The following CSMD1 variants were observed in gnomAD, a reference collection of about 807,000 sequenced individuals.
The protein encoded by CSMD1 is CUB and Sushi multiple domains 1.
Under a neutral mutation model 417.5 loss-of-function variants are expected in CSMD1, and 213 were observed. The ratio of observed to expected loss-of-function variants is 0.51; its 90% confidence interval spans 0.46 to 0.57. The LOEUF is 0.57. CSMD1 is among the 20% of genes least tolerant of loss of function. The pLI is 0.00. For synonymous variants in CSMD1, 2,862 were observed against 1,736.8 expected (o/e 1.65, Z -16.11); for missense variants, 6,923 against 4,529.7 (o/e 1.53, Z -15.17).
intron 2 of CSMD1, among the ~76,000 whole-genome samples, chr8:4,619,000 A>G (rs1801628769): frequency 6.6e-6 from 1 of 152,202 alleles, no homozygotes; most frequent in Non-Finnish European, 1.5e-5. Context: ...AGGAGATTAA[A>G]ATACTGCAAT....
intron 25 of CSMD1, among the ~76,000 whole-genome samples, chr8:3,286,713 C>G (rs917315836): frequency 6.6e-6 from 1 of 151,878 alleles, no homozygotes; most frequent in East Asian, 1.9e-4. Flanking sequence ...ATTGTAGATT[C>G]TGGTTATTAG....
intron 46 of CSMD1, among the ~76,000 whole-genome samples, chr8:3,098,170 T>C (rs1332073847): frequency 1.3e-5 from 2 of 152,220 alleles, no homozygotes; most frequent in Non-Finnish European, 2.9e-5. Context: ...ATAAAAAATG[T>C]ATATCAAAAT....
rs78044360 is a variant in CSMD1 at position 3,543,528 on chromosome 8, C to T, written c.1344+31417G>A. Among the ~76,000 whole-genome samples, 748 of 151,954 alleles carry T rather than the reference C, an allele frequency of 4.9e-3. 6 individuals carry two copies. Among genetic ancestry groups the T allele is most frequent in the African/African-American group, 0.017 (701 of 41,410 alleles). On this transcript the variant is annotated intron_variant, in intron 10 of 69. Transcript: ENST00000635120. Reference sequence around the variant, plus strand: ...TGTGGAAATGGGAGGATGGCTGGATCCCCAACATGATGGAAAATGAACAGA... The same window carrying T: ...TGTGGAAATGGGAGGATGGCTGGATTCCCAACATGATGGAAAATGAACAGA...
intron 6 of CSMD1, among the ~76,000 whole-genome samples, chr8:3,720,535 A>C (rs753979093): frequency 6.6e-6 from 1 of 152,020 alleles, no homozygotes; most frequent in Non-Finnish European, 1.5e-5. Context: ...TGTTGTCTCA[A>C]CACTGGGGGC....
intron 5 of CSMD1, among the ~76,000 whole-genome samples, chr8:3,946,066 G>A (rs185601094): frequency 2.0e-5 from 3 of 152,068 alleles, no homozygotes; most frequent in Admixed American, 6.6e-5. Context: ...CAATACTAAC[G>A]TAAAGTGTAA....
intron 3 of CSMD1, among the ~76,000 whole-genome samples, chr8:4,104,120 A>C (rs1801443483): frequency 6.6e-6 from 1 of 152,248 alleles, no homozygotes; most frequent in South Asian, 2.1e-4. Context: ...CCACAGAAGC[A>C]GAGTGTTGAT....
intron 2 of CSMD1, among the ~76,000 whole-genome samples, chr8:4,634,725 G>A (rs895233597): frequency 3.3e-5 from 5 of 152,122 alleles, no homozygotes; most frequent in African/African-American, 7.2e-5. Context: ...TCCCTTTCCC[G>A]ATTAATTAGA....
Position 4,989,179 on chromosome 8 carries a change from G to A in CSMD1, c.85+5153C>T, listed in dbSNP as rs568438484. On this transcript the variant is annotated intron_variant, in intron 1 of 69. Transcript: ENST00000635120. Reference sequence around the variant, plus strand: ...ATGTAATTGAAGGCAAGGTAAAAAGGTTGAGTTCCTTGAGGATTAATTCAT... The same window carrying A: ...ATGTAATTGAAGGCAAGGTAAAAAGATTGAGTTCCTTGAGGATTAATTCAT... Among the ~76,000 whole-genome samples, 300 of 152,258 alleles carry A rather than the reference G, an allele frequency of 2.0e-3. 1 individual carries two copies. Among genetic ancestry groups the A allele is most frequent in the South Asian group, 3.9e-3 (19 of 4,826 alleles).
At chr8:3,271,751 T>A (rs1044671004) in intron 26 of CSMD1, among the ~76,000 whole-genome samples, 1 of 152,192 alleles carries the variant, frequency 6.6e-6, no homozygotes, top group African/African-American at 2.4e-5. Flanking sequence ...TCTGTTCATG[T>A]CCTTTGCCCA....
rs538668389 is a variant in CSMD1, at chr8:3,086,633, A to G, written c.7474+464T>C. Among the ~76,000 whole-genome samples the G allele has an allele frequency of 4.6e-5, 7 of 152,346 alleles. No individual in the cohort carries two copies. In the East Asian group the frequency reaches 9.6e-4, roughly 21 times the overall value. On this transcript the variant is annotated intron_variant, in intron 49 of 69. Coordinates refer to ENST00000635120, the MANE Select transcript of CSMD1 (RefSeq NM_033225.6). The stretch of plus-strand genomic sequence containing the variant: ...GCACATGATAGATAAAATGCCAAAA[A>G]AAAGGCATGAAATACTGAAATCAAC...
chr8:4,431,574 C>A (rs1043511020), intron 2 of CSMD1, among the ~76,000 whole-genome samples: 1 of 152,140 alleles, frequency 6.6e-6, no homozygotes, highest in Non-Finnish European at 1.5e-5. Context: ...CATTTCAAAA[C>A]TTTGCTCTGA....
At chr8:4,311,430 G>A (rs1391839907) in intron 3 of CSMD1, among the ~76,000 whole-genome samples, 1 of 152,140 alleles carries the variant, frequency 6.6e-6, no homozygotes, top group Non-Finnish European at 1.5e-5. Flanking sequence ...TCACTTATGA[G>A]TGGAATCTAA....
Position 4,457,738 on chromosome 8 carries a change from A to G in CSMD1, c.303-37673T>C, listed in dbSNP as rs189800689. Among the ~76,000 whole-genome samples the G allele has an allele frequency of 2.9e-4, 44 of 152,212 alleles. No homozygotes were observed. In the Middle Eastern group the frequency reaches 0.014, roughly 47 times the overall value. ...CCCGGTCCTTCATGTGCTCCTCTGT[A>G]TGGGATCCAGCAGCATAGGACACCT... is the stretch of plus-strand genomic sequence containing the variant. On this transcript the variant is annotated intron_variant, in intron 2 of 69. Transcript: ENST00000635120.
chr8:4,075,260 G>A (rs193207344), intron 3 of CSMD1, among the ~76,000 whole-genome samples: 2 of 151,922 alleles, frequency 1.3e-5, no homozygotes, highest in Admixed American at 6.6e-5. Flanking sequence ...AAAAAACAAA[G>A]TATTATAAAA....
At chr8:3,144,938 T>A (rs1009667344) in intron 40 of CSMD1, among the ~76,000 whole-genome samples, 16 of 152,100 alleles carry the variant, frequency 1.1e-4, no homozygotes, top group Non-Finnish European at 2.4e-4. Context: ...CATCCAGATC[T>A]GCTTGTCCAC....
intron 12 of CSMD1, among the ~76,000 whole-genome samples, chr8:3,436,758 G>T (rs79021097): frequency 0.024 from 3,675 of 152,220 alleles, 129 homozygotes; most frequent in South Asian, 0.11. Context: ...ATTTTTAGGA[G>T]TAAGGCTTAA....
intron 1 of CSMD1, among the ~76,000 whole-genome samples, chr8:4,973,218 T>G (rs190043226): frequency 1.1e-3 from 163 of 152,272 alleles, no homozygotes; most frequent in Non-Finnish European, 1.7e-3. Context: ...CTCATCATAT[T>G]ATTGAGAGAA....
At chr8:4,269,149 T>G (rs1206118008) in intron 3 of CSMD1, among the ~76,000 whole-genome samples, 2 of 152,160 alleles carry the variant, frequency 1.3e-5, no homozygotes, top group African/African-American at 2.4e-5. Flanking sequence ...CTCTGTCTCC[T>G]GGGTTTAAAC....
chr8:3,562,001 T>C (rs7816462), intron 10 of CSMD1, among the ~76,000 whole-genome samples: 122,073 of 151,750 alleles, frequency 0.8, 49,766 homozygotes, highest in Middle Eastern at 0.88. Context: ...GTCAGAAACT[T>C]TGTGAAGGAG....
Sources: allele counts gnomAD v4.1 joint callset (sites outside exome capture counted in the v4.1 genomes callset), GRCh38; gene constraint gnomAD v4.1.1; transcripts MANE v1.5; gene names NCBI Gene and HGNC (gene_info 2026-07-23, HGNC 2026-07-21).